The following ACOX1 variants were observed in gnomAD, a reference collection of about 807,000 sequenced individuals.
The protein encoded by ACOX1 is acyl-CoA oxidase 1, also known as peroxisomal acyl-coenzyme A oxidase 1.
Under a neutral mutation model 75.5 loss-of-function variants are expected in ACOX1, and 41 were observed. The ratio of observed to expected loss-of-function variants is 0.54; its 90% CI spans 0.42 to 0.70. The LOEUF (loss-of-function observed/expected upper bound fraction) is 0.70. ACOX1 is among the 30% of genes least tolerant of loss of function. The pLI, the probability that ACOX1 is intolerant of heterozygous loss-of-function variation, is 0.00. For synonymous variants in ACOX1, 303 were observed against 298.8 expected (o/e 1.01, Z -0.15); for missense variants, 630 against 837.5 (o/e 0.75, Z 3.06).
chr17:75,975,452 C>A (rs1414157616), intron 2 of ACOX1, among the ~76,000 whole-genome samples: 1 of 152,192 alleles, frequency 6.6e-6, no homozygotes, highest in Non-Finnish European at 1.5e-5. Context: ...AGCCACCATG[C>A]CCCAGTCCCA....
rs1598190926 is a variant in ACOX1 at position 75,964,917 on chromosome 17, T to C, written c.270-4542A>G. On this transcript the variant is annotated intron_variant, in intron 2 of 13. Transcript: ENST00000293217. ...GAGGAAAAACCAATTAGACTAATCA[T>C]ATATGAGAAAGGAAGAAATAAAAAG... is the stretch of plus-strand genomic sequence containing the variant. 7.9e-5 allele frequency among the ~76,000 whole-genome samples: 12 copies of C among 152,016 alleles called. No homozygotes were observed. The South Asian group carries it at 2.1e-3, about 26-fold the overall frequency.
chr17:75,961,672 G>A (rs942829433), intron 2 of ACOX1, among the ~76,000 whole-genome samples: 2 of 150,494 alleles, frequency 1.3e-5, no homozygotes, highest in African/African-American at 2.4e-5. Context: ...GGGAGACTGA[G>A]GCAGGAGAAC....
rs1135640 is a variant in ACOX1 at position 75,953,459 on chromosome 17, G to C, written c.936C>G (p.Ile312Met). Residue 312 changes from isoleucine to methionine, a missense_variant, in exon 7 of 14, where the codon ATC (isoleucine) becomes ATG (methionine). Physicochemically the swap from Ile to Met is conservative, Grantham distance 10. This residue lies in a region of ACOX1 where 390 missense variants were observed against 574.9 expected (regional missense o/e 0.68). Transcript: ENST00000293217. ...TAGGACCCTATCCTTACCCTGGCTT[G>C]ATTTCAGACTGGTGCCTCACAGCGC... ...RYSAVRHQSE[I>M]KPGEPEPQIL... 1,038,803 of 1,613,296 alleles carry C rather than the reference G, an allele frequency of 0.64. 343,514 individuals carry two copies. Among genetic ancestry groups the C allele is most frequent in the East Asian group, 0.76 (33,896 of 44,840 alleles).
intron 2 of ACOX1, among the ~76,000 whole-genome samples, chr17:75,975,438 C>T (rs1567890365): frequency 6.6e-6 from 1 of 152,154 alleles, no homozygotes; most frequent in South Asian, 2.1e-4. Flanking sequence ...GGATTACAGG[C>T]GTGAGCCACC....
chr17:75,977,396 T>C (rs142010497), intron 2 of ACOX1, among the ~76,000 whole-genome samples: 19,419 of 151,596 alleles, frequency 0.13, 1,734 homozygotes, highest in African/African-American at 0.26. Context: ...CGAAACCCCA[T>C]CTCTACTAAA....
chr17:75,951,983 T>G (rs2065779216), intron 7 of ACOX1, among the ~76,000 whole-genome samples: 1 of 152,014 alleles, frequency 6.6e-6, no homozygotes, highest in South Asian at 2.1e-4. Flanking sequence ...CCTAGGCTAT[T>G]TGGCTCCCTA....
At chr17:75,963,081 C>T (rs532507768) in intron 2 of ACOX1, among the ~76,000 whole-genome samples, 1 of 146,470 alleles carries the variant, frequency 6.8e-6, no homozygotes, top group Non-Finnish European at 1.5e-5. Flanking sequence ...CAGTGAGCCA[C>T]GATGGCACCA....
chr17:75,966,250 A>G (rs1361519060), intron 2 of ACOX1, among the ~76,000 whole-genome samples: 5 of 151,578 alleles, frequency 3.3e-5, no homozygotes, highest in Non-Finnish European at 7.4e-5. Flanking sequence ...CGGGGTCAGG[A>G]GTTTGAGACC....
rs991129556 is a variant in ACOX1, at chr17:75,945,705, G to C, written c.*1043C>G. ...CTCCTAGAAATAGACTGAAAACAAA[G>C]CCATACATAGAGTAAGAAATAGAAC... On this transcript the variant is annotated 3_prime_UTR_variant, in exon 14 of 14. Transcript: ENST00000293217. The C allele has an allele frequency of 2.0e-5, 3 of 153,540 alleles. No individual in the cohort carries two copies. The highest frequency in any genetic ancestry group is 1.3e-4 in the Admixed American group (2 of 15,232). The allele number at this position is 153,540 out of a possible 1,614,324, so 9.5% of individuals were successfully genotyped here.
At chr17:75,949,403 A>G (rs2144235983) in intron 11 of ACOX1, 43 bp from the exon 12 acceptor site, 2 of 1,613,824 alleles carry the variant, frequency 1.2e-6, no homozygotes, top group East Asian at 2.2e-5. Context: ...AACCTTGGAA[A>G]AAGATTCAAT....
intron 2 of ACOX1, among the ~76,000 whole-genome samples, chr17:75,976,178 C>G (rs1158349835): frequency 6.6e-6 from 1 of 152,158 alleles, no homozygotes; most frequent in Non-Finnish European, 1.5e-5. Context: ...TTGTCATATC[C>G]TAAGGACATT....
At chr17:75,963,735 A>G (rs2065906303) in intron 2 of ACOX1, among the ~76,000 whole-genome samples, 1 of 152,050 alleles carries the variant, frequency 6.6e-6, no homozygotes, top group African/African-American at 2.4e-5. Flanking sequence ...AAGATGCTAA[A>G]AAGACATGCT....
intron 6 of ACOX1, among the ~76,000 whole-genome samples, chr17:75,954,827 C>T (rs1341818227): frequency 6.6e-6 from 1 of 151,944 alleles, no homozygotes; most frequent in Non-Finnish European, 1.5e-5. Flanking sequence ...TCCTTGGCCT[C>T]CCAAAGTGCT....
chr17:75,973,573 G>A (rs751481559), intron 2 of ACOX1: 1 of 1,596,956 alleles, frequency 6.3e-7, no homozygotes, highest in Non-Finnish European at 8.6e-7. Context: ...AGCAATCACT[G>A]TTAACTGATG....
intron 8 of ACOX1, 51 bp from the exon 9 acceptor site, chr17:75,951,015 G>A (rs754774863): frequency 3.7e-5 from 58 of 1,563,714 alleles, no homozygotes; most frequent in Admixed American, 3.1e-4. Context: ...CTGAGAGCCC[G>A]AGAACCAATG....
chr17:75,948,491 T>C (rs1159872467), intron 12 of ACOX1, 34 bp from the exon 13 acceptor site: 6 of 1,520,776 alleles, frequency 3.9e-6, no homozygotes, highest in Non-Finnish European at 5.4e-6. Context: ...ATAAAACATA[T>C]ATATGTATAT....
At chr17:75,964,515 G>A (rs1210721811) in intron 2 of ACOX1, among the ~76,000 whole-genome samples, 1 of 152,144 alleles carries the variant, frequency 6.6e-6, no homozygotes, top group African/African-American at 2.4e-5. Context: ...CACGCTAAGG[G>A]TTACAACAAA....
rs1230377047 is a variant in ACOX1 at position 75,967,468 on chromosome 17, C to CA, written c.270-7094dup. On this transcript the variant is annotated intron_variant, in intron 2 of 13. Coordinates refer to ENST00000293217, the MANE Select transcript of ACOX1 (RefSeq NM_004035.7). ...CTGGTGACAGAGGAAGACTATGTCT[C>CA]AAAAAAAAAAACCCAGAAGAAAACT... is the stretch of plus-strand genomic sequence containing the variant. Among the ~76,000 whole-genome samples, 667 of 125,250 alleles carry CA rather than the reference C, an allele frequency of 5.3e-3. 3 individuals are homozygous for CA. Among genetic ancestry groups the CA allele is most frequent in the Middle Eastern group, 0.052 (12 of 230 alleles). 82.2% of individuals were successfully genotyped at this position (125,250 alleles called of 152,430 possible).
intron 6 of ACOX1, 73 bp from the exon 7 acceptor site, chr17:75,953,693 G>A: frequency 6.4e-7 from 1 of 1,572,342 alleles, no homozygotes; most frequent in East Asian, 2.2e-5. Flanking sequence ...CTCAAAGTGT[G>A]GTCCCTGGAA....
Sources: gnomAD v4.1 joint callset for allele counts (sites outside exome capture counted in the v4.1 genomes callset) on GRCh38, gnomAD v4.1.1 for gene constraint, gnomAD v4.1.1 regional missense constraint, MANE v1.5 for transcripts, NCBI Gene and HGNC (gene_info 2026-07-23, HGNC 2026-07-21) for gene names.